Variants in SSBP4 observed in about 807,000 individuals in gnomAD.
SSBP4 encodes single-stranded DNA-binding protein 4.
In SSBP4, 33 loss-of-function variants were observed where a neutral mutation model predicts 64.6. The ratio of observed to expected loss-of-function variants is 0.51; its 90% CI spans 0.39 to 0.68. SSBP4 has a LOEUF of 0.68. Ranked by LOEUF, SSBP4 falls within the 30% of genes least tolerant of loss-of-function variation. The pLI, the probability that SSBP4 is intolerant of heterozygous loss-of-function variation, is 0.00. For missense variants in SSBP4, 583 were observed against 566.8 expected (o/e 1.03, Z -0.29); for synonymous variants, 243 against 224.0 (o/e 1.08, Z -0.76).
intron 4 of SSBP4, among the ~76,000 whole-genome samples, chr19:18,428,636 G>T (rs1038289683): frequency 6.6e-6 from 1 of 152,178 alleles, no homozygotes; most frequent in African/African-American, 2.4e-5. Context: ...TGGGTCTGAG[G>T]GGGAGGTGCC....
At chr19:18,402,939 G>T in the SSBP4 span, among the ~76,000 whole-genome samples, 1 of 152,164 alleles carries the variant, frequency 6.6e-6, no homozygotes, top group Non-Finnish European at 1.5e-5. Context: ...TCTTGCAGTT[G>T]AGCTAAGAGG....
chr19:18,403,567 C>A, the SSBP4 span, among the ~76,000 whole-genome samples: 1 of 150,576 alleles, frequency 6.6e-6, no homozygotes, highest in Non-Finnish European at 1.5e-5. Flanking sequence ...GCCTGAGGAT[C>A]CTGGGGTCTG....
chr19:18,420,649 A>G (rs1386320771), intron 1 of SSBP4, among the ~76,000 whole-genome samples: 1 of 151,946 alleles, frequency 6.6e-6, no homozygotes, highest in Non-Finnish European at 1.5e-5. Flanking sequence ...CACGAGGCCA[A>G]GAGATCGAGA....
chr19:18,419,190 G>A, upstream of SSBP4: 1 of 986,096 alleles, frequency 1.0e-6, no homozygotes, highest in Non-Finnish European at 1.2e-6. Context: ...GTGCAGCCGC[G>A]ATCAGCTGTG....
At chr19:18,413,565 A>T in the SSBP4 span, among the ~76,000 whole-genome samples, 3 of 152,056 alleles carry the variant, frequency 2.0e-5, no homozygotes, top group Non-Finnish European at 4.4e-5. Flanking sequence ...CAGAAAACAG[A>T]CCCAAGATGG....
rs1189849645 is a variant in SSBP4 at position 18,427,339 on chromosome 19, T to C, written c.60-12T>C. The C allele has an allele frequency of 1.9e-6, 3 of 1,608,554 alleles. No individual in the cohort carries two copies. The highest frequency in any genetic ancestry group is 2.5e-6 in the Non-Finnish European group (3 of 1,179,676). ...GAGAGTCTGAGCTCCCTGGGCCGCCTCGCCCCCACAGGTTGGCGCTGTACG... is the reference window on the plus strand; with the variant it reads ...GAGAGTCTGAGCTCCCTGGGCCGCCCCGCCCCCACAGGTTGGCGCTGTACG... On this transcript the variant is annotated splice_polypyrimidine_tract_variant and intron_variant, in intron 1 of 17. Transcript: ENST00000270061. This position sits in a 1 kb window ranked among gnomAD's most constrained non-coding sequence, Gnocchi z 4.4.
chr19:18,431,466 C>T lies in SSBP4; in HGVS notation c.435+48C>T, dbSNP rs1973375574. The T allele has an allele frequency of 5.5e-6, 6 of 1,086,262 alleles. No individual in the cohort carries two copies. In the East Asian group the frequency reaches 1.6e-4, roughly 28 times the overall value. The allele number at this position is 1,086,262 out of a possible 1,614,324, so 67.3% of individuals were successfully genotyped here. A position where few individuals can be genotyped will look rare whatever the true frequency, so the allele number is the denominator to read the frequency against. On this transcript the variant is annotated intron_variant, in intron 6 of 17. Transcript: ENST00000270061. ...CCTCACACACACACATCCCCTCCCC[C>T]AGCGCCGCCCCCTCCCACCCTCAAG...
At chr19:18,429,545 C>G (rs544031732) in intron 4 of SSBP4, among the ~76,000 whole-genome samples, 1 of 151,928 alleles carries the variant, frequency 6.6e-6, no homozygotes, top group Non-Finnish European at 1.5e-5. Flanking sequence ...GGGGATTGCC[C>G]TCCCTGCGGG....
chr19:18,405,510 A>G, the SSBP4 span, among the ~76,000 whole-genome samples: 1 of 151,964 alleles, frequency 6.6e-6, no homozygotes, highest in Non-Finnish European at 1.5e-5. Context: ...AAAAAAAAAA[A>G]AAAATCTTTT....
At chr19:18,433,257 C>T (rs769900990) in intron 15 of SSBP4, 44 bp downstream of exon 15, 19 of 1,534,340 alleles carry the variant, frequency 1.2e-5, no homozygotes, top group South Asian at 4.8e-5. Flanking sequence ...CTTCCGGGCC[C>T]GTGCGCTCCC....
At position 18,433,024 on chromosome 19, in the gene SSBP4, A is replaced by C. The variant is rs1299226347; in HGVS notation, c.893A>C (p.Gln298Pro). Reference sequence around the variant, plus strand: ...TACACTATCATGAACCCCATCGGGCAGGGCGCCGGCAGGGCTAATGTGAGT... The same window carrying C: ...TACACTATCATGAACCCCATCGGGCCGGGCGCCGGCAGGGCTAATGTGAGT... ...NMYTIMNPIG[Q>P]GAGRANFPLG... The change falls in exon 14 of 18, where the codon CAG becomes CCG. Residue 298 changes from glutamine (Q) to proline (P), a missense_variant. Physicochemically the swap from Gln to Pro is moderately conservative, Grantham distance 76 (BLOSUM62 -1). Transcript: ENST00000270061. 1 of 1,614,008 alleles carries C rather than the reference A, an allele frequency of 6.2e-7. No homozygotes were observed. Among genetic ancestry groups the C allele is most frequent in the African/African-American group, 1.3e-5 (1 of 74,940 alleles).
chr19:18,428,056 TG>T (rs1250748636), intron 4 of SSBP4, 74 bp downstream of exon 4: 1 of 444,260 alleles, frequency 2.3e-6, no homozygotes, highest in East Asian at 4.7e-5. Flanking sequence ...GGAGGTGGGG[TG>T]GGGGGCTGCA....
intron 1 of SSBP4, among the ~76,000 whole-genome samples, chr19:18,424,218 A>C (rs1258663572): frequency 1.3e-5 from 2 of 152,130 alleles, no homozygotes; most frequent in African/African-American, 4.8e-5. Flanking sequence ...ATAGCTGCTG[A>C]CCTTCATCAG....
In SSBP4 at chr19:18,431,404, G is replaced by A; in HGVS notation, c.421G>A (p.Gly141Arg). The A allele has an allele frequency of 6.6e-7, 1 of 1,505,472 alleles. No individual in the cohort carries two copies. Among genetic ancestry groups the A allele is most frequent in the Non-Finnish European group, 8.9e-7 (1 of 1,117,608 alleles). The allele number at this position is 1,505,472 out of a possible 1,614,324, so 93.3% of individuals were successfully genotyped here. A position where few individuals can be genotyped will look rare whatever the true frequency, so the allele number is the denominator to read the frequency against. ...CCACAACCCCAACGCCCCCATGATG[G>A]GGCCTCACGGTCAGGTAAGGAGCTG... ...SPHNPNAPMM[G>R]PHGQPFMSPR... is the part of the protein sequence containing the mutation. Residue 141 changes from glycine to arginine, a missense_variant, in exon 6 of 18, where the codon GGG (glycine) becomes AGG (arginine). Coordinates refer to ENST00000270061, the MANE Select transcript of SSBP4 (RefSeq NM_032627.5).
At chr19:18,416,703 A>AGGGCCTTGGCCC (rs1972133351), upstream of SSBP4, among the ~76,000 whole-genome samples, 6 of 152,154 alleles carry the variant, frequency 3.9e-5, no homozygotes, top group Middle Eastern at 3.4e-3. Flanking sequence ...TGCCCACCTC[A>AGGGCCTTGGCCC]GGGCCTTGGC....
intron 4 of SSBP4, among the ~76,000 whole-genome samples, chr19:18,430,279 C>G (rs937521634): frequency 6.6e-6 from 1 of 152,032 alleles, no homozygotes; most frequent in East Asian, 1.9e-4. Context: ...AGGTCTAGAA[C>G]TTGGTCCCCG....
In SSBP4 at chr19:18,434,554, T is replaced by C. The variant is rs1973860595; in HGVS notation, c.*308T>C. 1.9e-6 allele frequency: 1 copy of C among 524,270 alleles called. No homozygotes were observed. The highest frequency in any genetic ancestry group is 3.3e-6 in the Non-Finnish European group (1 of 303,438). 32.5% of individuals were successfully genotyped at this position (524,270 alleles called of 1,614,324 possible). On this transcript the variant is annotated 3_prime_UTR_variant, in exon 18 of 18. Coordinates refer to ENST00000270061, the MANE Select transcript of SSBP4 (RefSeq NM_032627.5). Reference sequence around the variant, plus strand: ...ATAAATAAATGGAAGCTGGTTTTGGTTTTTGGTAGCTTGTCTCAGATTCCC... The same window carrying C: ...ATAAATAAATGGAAGCTGGTTTTGGCTTTTGGTAGCTTGTCTCAGATTCCC...
Position 18,427,478 on chromosome 19 carries a change from T to A in SSBP4, c.132+55T>A. The stretch of plus-strand genomic sequence containing the variant: ...CTCCTCACCCACACTCCGGGGGTCC[T>A]TCATTTCCACTGGGGATCCAGGGGG... On this transcript the variant is annotated intron_variant, in intron 2 of 17. Transcript: ENST00000270061. The surrounding 1 kb of genome is among the most constrained non-coding windows in gnomAD (Gnocchi z 4.4). 3.2e-6 allele frequency: 5 copies of A among 1,577,356 alleles called. No individual in the cohort carries two copies. The highest frequency in any genetic ancestry group is 3.4e-6 in the Non-Finnish European group (4 of 1,160,678).
upstream of SSBP4, among the ~76,000 whole-genome samples, chr19:18,417,615 G>C (rs1972168079): frequency 6.6e-6 from 1 of 152,214 alleles, no homozygotes; most frequent in South Asian, 2.1e-4. The surrounding 1 kb of genome is among the most constrained non-coding windows in gnomAD (Gnocchi z 5.4). Context: ...CCAGGCTCCG[G>C]GGCCGTCGCC....
Sources: allele counts gnomAD v4.1 joint callset (sites outside exome capture counted in the v4.1 genomes callset), GRCh38; gene constraint gnomAD v4.1.1; non-coding constraint Gnocchi (gnomAD v3.1); transcripts MANE v1.5; gene names NCBI Gene and HGNC (gene_info 2026-07-23, HGNC 2026-07-21).